Variants in KCNMA1 observed in about 807,000 individuals in gnomAD.
KCNMA1 encodes potassium calcium-activated channel subfamily M alpha 1.
A neutral mutation model predicts 140.0 loss-of-function variants in KCNMA1; 29 were observed. The observed-to-expected ratio is 0.21, with a 90% confidence interval of 0.15 to 0.28. KCNMA1 has a LOEUF of 0.28. Among genes scored for constraint, KCNMA1 ranks in the 10% least tolerant of loss-of-function variants. The pLI, the probability that KCNMA1 is intolerant of heterozygous loss-of-function variation, is 1.00. For synonymous variants in KCNMA1, 612 were observed against 611.9 expected, an observed-to-expected ratio of 1.00 and a Z score of 0.00; for missense variants, 880 against 1,602.2, an observed-to-expected ratio of 0.55 and a Z score of 7.70.
At chr10:77,427,203 C>A (rs1467573544) in intron 1 of KCNMA1, among the ~76,000 whole-genome samples, 1 of 152,196 alleles carries the variant, frequency 6.6e-6, no homozygotes, top group Non-Finnish European at 1.5e-5. Context: ...TTCCCCAGAG[C>A]CCTGAGCCTG....
At chr10:76,888,734 A>T (rs2038506029) in intron 27 of KCNMA1, among the ~76,000 whole-genome samples, 1 of 152,220 alleles carries the variant, frequency 6.6e-6, no homozygotes, top group African/African-American at 2.4e-5. Flanking sequence ...AAATATGTGA[A>T]GTAAAAATAT....
At chr10:77,496,926 C>A (rs1249953925) in intron 1 of KCNMA1, among the ~76,000 whole-genome samples, 1 of 152,144 alleles carries the variant, frequency 6.6e-6, no homozygotes, top group Non-Finnish European at 1.5e-5. Context: ...TCCTTACCAG[C>A]CCCTACCCAC....
At chr10:77,426,529 C>T (rs558188259) in intron 1 of KCNMA1, among the ~76,000 whole-genome samples, 2 of 152,160 alleles carry the variant, frequency 1.3e-5, no homozygotes, top group Admixed American at 6.6e-5. Context: ...AGACAGTCTG[C>T]GCTAGAGTTC....
chr10:77,516,754 G>A (rs2050610523), intron 1 of KCNMA1, among the ~76,000 whole-genome samples: 1 of 152,202 alleles, frequency 6.6e-6, no homozygotes, highest in African/African-American at 2.4e-5. Flanking sequence ...CTGCAAAGCA[G>A]GTGAAGGGCC....
intron 5 of KCNMA1, among the ~76,000 whole-genome samples, chr10:77,131,836 G>A (rs2097864040): frequency 6.6e-6 from 1 of 151,680 alleles, no homozygotes; most frequent in African/African-American, 2.4e-5. Flanking sequence ...ATGGAGGCAG[G>A]CACCTGTAAT....
chr10:77,601,167 T>C (rs563449706), intron 1 of KCNMA1, among the ~76,000 whole-genome samples: 7 of 152,140 alleles, frequency 4.6e-5, no homozygotes, highest in Non-Finnish European at 8.8e-5. Flanking sequence ...TCCTTTGAGC[T>C]TCACACCTCT....
chr10:77,442,887 T>C (rs979703736), intron 1 of KCNMA1, among the ~76,000 whole-genome samples: 2 of 152,160 alleles, frequency 1.3e-5, no homozygotes, highest in Non-Finnish European at 2.9e-5. Context: ...CAAACGCATT[T>C]CCCTGACTGT....
At chr10:77,303,822 A>G (rs1203647299) in intron 2 of KCNMA1, among the ~76,000 whole-genome samples, 1 of 152,152 alleles carries the variant, frequency 6.6e-6, no homozygotes, top group Admixed American at 6.5e-5. Context: ...TCGCCACCAC[A>G]CTACACTGTT....
intron 14 of KCNMA1, among the ~76,000 whole-genome samples, chr10:77,046,050 C>A (rs2095035645): frequency 6.6e-6 from 1 of 152,082 alleles, no homozygotes. Context: ...TTAATAGCTG[C>A]AATAAGAAGA....
chr10:77,401,141 C>T (rs2096250313), intron 2 of KCNMA1, among the ~76,000 whole-genome samples: 1 of 147,316 alleles, frequency 6.8e-6, no homozygotes. Context: ...GTTCTACAAA[C>T]TTCAAAAATT....
At chr10:77,537,347 C>T (rs1409827254) in intron 1 of KCNMA1, among the ~76,000 whole-genome samples, 1 of 152,158 alleles carries the variant, frequency 6.6e-6, no homozygotes, top group Non-Finnish European at 1.5e-5. Context: ...ACAAGAACAC[C>T]ACCCCAGCAG....
At chr10:76,975,715 G>A (rs2077288053) in intron 19 of KCNMA1, among the ~76,000 whole-genome samples, 1 of 152,206 alleles carries the variant, frequency 6.6e-6, no homozygotes, top group South Asian at 2.1e-4. Context: ...TTTCTTGCCT[G>A]ACAACCTTGA....
intron 2 of KCNMA1, among the ~76,000 whole-genome samples, chr10:77,384,183 A>G (rs752976803): frequency 2.6e-5 from 4 of 152,216 alleles, no homozygotes; most frequent in Admixed American, 2.6e-4. Flanking sequence ...TGGAGCAAAT[A>G]CCGTGCCTCC....
At chr10:77,186,689 T>C (rs543904074) in intron 3 of KCNMA1, among the ~76,000 whole-genome samples, 37 of 151,852 alleles carry the variant, frequency 2.4e-4, no homozygotes, top group Non-Finnish European at 5.3e-4. Flanking sequence ...CAGTGAAAAA[T>C]GTACAGGAAC....
chr10:77,489,117 G>A (rs1175829982), intron 1 of KCNMA1, among the ~76,000 whole-genome samples: 7 of 152,142 alleles, frequency 4.6e-5, no homozygotes, highest in African/African-American at 1.7e-4. Flanking sequence ...ATCTCAGGGC[G>A]ATGGGTAGAG....
chr10:77,379,953 C>T (rs145295775), intron 2 of KCNMA1, among the ~76,000 whole-genome samples: 15 of 152,212 alleles, frequency 9.9e-5, no homozygotes, highest in Admixed American at 2.0e-4. Context: ...GGGATGAATG[C>T]GGTACCTACT....
chr10:77,148,207 G>A (rs2098346329), intron 5 of KCNMA1: 1 of 152,066 alleles, frequency 6.6e-6, no homozygotes, highest in African/African-American at 2.4e-5. Context: ...ACTAGGTTAT[G>A]ACTATTGTGA....
intron 1 of KCNMA1, among the ~76,000 whole-genome samples, chr10:77,590,242 C>T (rs947679042): frequency 2.7e-4 from 41 of 152,232 alleles, no homozygotes; most frequent in Admixed American, 3.9e-4. Context: ...GCACCGGGGC[C>T]GCAGGTGGAG....
At chr10:77,413,697 A>G (rs905414384) in intron 1 of KCNMA1, among the ~76,000 whole-genome samples, 2 of 151,828 alleles carry the variant, frequency 1.3e-5, no homozygotes, top group African/African-American at 4.8e-5. Context: ...GCATAGTCCA[A>G]CCTCTCCCTG....
Sources: gnomAD v4.1 joint callset for allele counts (sites outside exome capture counted in the v4.1 genomes callset) on GRCh38, gnomAD v4.1.1 for gene constraint, MANE v1.5 for transcripts, NCBI Gene and HGNC (gene_info 2026-07-23, HGNC 2026-07-21) for gene names.